SLC9A8: variants seen among roughly 807,000 people sequenced by gnomAD.
The protein encoded by SLC9A8 is solute carrier family 9 member A8, also known as sodium/hydrogen exchanger 8.
In SLC9A8, 48 loss-of-function variants were observed where a neutral mutation model predicts 66.6. That is an observed-to-expected ratio of 0.72 (90% confidence interval 0.57 to 0.92). The LOEUF is 0.92. Among genes scored for constraint, SLC9A8 ranks in the 40% least tolerant of loss-of-function variants. The pLI is 0.00. For missense variants in SLC9A8, 599 were observed against 747.3 expected, an observed-to-expected ratio of 0.80 and a Z score of 2.31; for synonymous variants, 274 against 282.6, an observed-to-expected ratio of 0.97 and a Z score of 0.31.
Position 49,845,130 on chromosome 20 carries a change from G to C in SLC9A8, c.432+11G>C, listed in dbSNP as rs570963106. ...TATTCATTACACAAGGTGAGACTCA[G>C]GCACACATTGGTGCTTTGGTCTGGA... On this transcript the variant is annotated intron_variant, in intron 5 of 15. Transcript: ENST00000361573. The C allele has an allele frequency of 3.2e-6, 5 of 1,578,246 alleles. No homozygotes were observed. Among genetic ancestry groups the C allele is most frequent in the Non-Finnish European group, 4.4e-6 (5 of 1,147,396 alleles).
chr20:49,868,548 C>G (rs2089068416), intron 10 of SLC9A8, among the ~76,000 whole-genome samples: 1 of 152,204 alleles, frequency 6.6e-6, no homozygotes, highest in South Asian at 2.1e-4. Context: ...TTCCCAAGAC[C>G]ATGGAGCAGG....
In SLC9A8 at chr20:49,889,724, G is replaced by A. The variant is rs2089999389; in HGVS notation, c.*1788G>A. 6.6e-6 allele frequency: 1 copy of A among 152,194 alleles called. No homozygotes were observed. The allele number at this position is 152,194 out of a possible 1,614,324, so 9.4% of individuals were successfully genotyped here. ...CACCATTTCCTTTTAGTGGAGAAGAGAGGAAGTCAGAGGGTAGGGACCTTT... is the reference window on the plus strand; with the variant it reads ...CACCATTTCCTTTTAGTGGAGAAGAAAGGAAGTCAGAGGGTAGGGACCTTT... On this transcript the variant is annotated 3_prime_UTR_variant, in exon 16 of 16. Transcript: ENST00000361573.
intron 3 of SLC9A8, among the ~76,000 whole-genome samples, chr20:49,838,710 C>T (rs1272630858): frequency 1.3e-5 from 2 of 152,118 alleles, no homozygotes; most frequent in Non-Finnish European, 2.9e-5. Context: ...GTGAAGTCTT[C>T]GTTTTGAAGC....
chr20:49,880,789 C>T (rs972345179), intron 12 of SLC9A8, 135 bp from the exon 13 acceptor site: 44 of 651,816 alleles, frequency 6.8e-5, no homozygotes, highest in South Asian at 3.9e-4. Flanking sequence ...TGGTGTTGCT[C>T]GTGTCTTTTG....
intron 3 of SLC9A8, among the ~76,000 whole-genome samples, chr20:49,838,123 A>T (rs1005092082): frequency 6.6e-6 from 1 of 152,142 alleles, no homozygotes; most frequent in Admixed American, 6.6e-5. Flanking sequence ...GAGGATAGAG[A>T]AGGGCCTGAT....
intron 10 of SLC9A8, among the ~76,000 whole-genome samples, chr20:49,871,471 T>G (rs897620642): frequency 6.6e-6 from 1 of 152,252 alleles, no homozygotes; most frequent in Admixed American, 6.5e-5. Context: ...AGGAAATTCT[T>G]CCTTAAGCGT....
At chr20:49,861,353 G>C (rs1230614717) in intron 8 of SLC9A8, among the ~76,000 whole-genome samples, 15 of 152,164 alleles carry the variant, frequency 9.9e-5, no homozygotes, top group Non-Finnish European at 4.4e-5. Flanking sequence ...AGACCAGCCT[G>C]GGCAATATGG....
chr20:49,866,312 C>T (rs1240531732), intron 10 of SLC9A8, among the ~76,000 whole-genome samples: 1 of 152,144 alleles, frequency 6.6e-6, no homozygotes. Flanking sequence ...ATTTGAAGGG[C>T]ATTTGGGGTT....
At chr20:49,834,214 T>TATACATAC (rs1479055075) in intron 3 of SLC9A8, among the ~76,000 whole-genome samples, 1 of 112,150 alleles carries the variant, frequency 8.9e-6, no homozygotes, top group Non-Finnish European at 1.7e-5. Flanking sequence ...TATATATATA[T>TATACATAC]ACACACACAC....
At chr20:49,865,089 T>G (rs1472061127) in intron 10 of SLC9A8, among the ~76,000 whole-genome samples, 1 of 152,222 alleles carries the variant, frequency 6.6e-6, no homozygotes, top group East Asian at 1.9e-4. Context: ...CTTCTCTCAT[T>G]TAGCCCATCA....
intron 13 of SLC9A8, among the ~76,000 whole-genome samples, chr20:49,881,410 CTG>C (rs539910291): frequency 5.8e-4 from 88 of 152,296 alleles, no homozygotes; most frequent in African/African-American, 1.9e-3. Flanking sequence ...AAAGTTGAAA[CTG>C]TTTCATACCT....
At chr20:49,818,598 C>G (rs2086636770) in intron 2 of SLC9A8, among the ~76,000 whole-genome samples, 1 of 149,788 alleles carries the variant, frequency 6.7e-6, no homozygotes, top group Admixed American at 6.8e-5. Flanking sequence ...TCAAGTGATT[C>G]TCCTGCCTCA....
intron 12 of SLC9A8, among the ~76,000 whole-genome samples, chr20:49,878,860 A>C (rs1568873758): frequency 6.6e-6 from 1 of 152,166 alleles, no homozygotes; most frequent in African/African-American, 2.4e-5. Flanking sequence ...TCTACTAAAA[A>C]TACAAAATTA....
intron 5 of SLC9A8, 145 bp from the exon 6 acceptor site, chr20:49,849,434 G>A (rs913188975): frequency 1.6e-5 from 10 of 635,634 alleles, no homozygotes; most frequent in African/African-American, 7.3e-5. Flanking sequence ...GAAGACTCCC[G>A]GGCTCCCAGC....
At chr20:49,825,693 A>G (rs1270013291) in intron 3 of SLC9A8, among the ~76,000 whole-genome samples, 1 of 152,044 alleles carries the variant, frequency 6.6e-6, no homozygotes, top group East Asian at 1.9e-4. Flanking sequence ...TCACCTCTTG[A>G]CTCATGTAAC....
rs1428505117 is a variant in SLC9A8, at chr20:49,813,489, A to G, written c.26+541A>G. ...TCCATTCTAGTGGGAAAAGAAGACC[A>G]TAATTAGTCAAGGTGGTTTCAGATC... is the stretch of plus-strand genomic sequence containing the variant. On this transcript the variant is annotated intron_variant, in intron 1 of 15. Transcript: ENST00000361573. Among the ~76,000 whole-genome samples the G allele has an allele frequency of 2.0e-5, 3 of 152,352 alleles. No individual in the cohort carries two copies. In the East Asian group the frequency reaches 5.8e-4, roughly 29 times the overall value.
intron 10 of SLC9A8, among the ~76,000 whole-genome samples, chr20:49,873,271 T>C (rs2089282182): frequency 6.6e-6 from 1 of 151,778 alleles, no homozygotes; most frequent in East Asian, 1.9e-4. Context: ...TTGCTTGAGC[T>C]CAGGGGTTTG....
chr20:49,827,962 T>A (rs938126945), intron 3 of SLC9A8, among the ~76,000 whole-genome samples: 2 of 152,074 alleles, frequency 1.3e-5, no homozygotes, highest in African/African-American at 4.8e-5. Context: ...AAGATTTTAA[T>A]TTTTTTGTTT....
chr20:49,830,124 T>C (rs2087112679), intron 3 of SLC9A8: 1 of 742,526 alleles, frequency 1.3e-6, no homozygotes, highest in Non-Finnish European at 2.5e-6. Context: ...CTCTGTCTGT[T>C]ACCAGGCAAT....
Sources: allele counts gnomAD v4.1 joint callset (sites outside exome capture counted in the v4.1 genomes callset), GRCh38; gene constraint gnomAD v4.1.1; transcripts MANE v1.5; gene names NCBI Gene and HGNC (gene_info 2026-07-23, HGNC 2026-07-21).